The following IMMP2L variants were observed in gnomAD, a reference collection of about 807,000 sequenced individuals.
IMMP2L encodes inner mitochondrial membrane peptidase subunit 2.
A neutral mutation model predicts 19.3 loss-of-function variants in IMMP2L; 18 were observed. The ratio of observed to expected loss-of-function variants is 0.93; its 90% CI spans 0.64 to 1.38. The LOEUF (loss-of-function observed/expected upper bound fraction) is 1.38. Ranked by LOEUF, IMMP2L falls within the 40% of genes most tolerant of loss-of-function variation. The pLI is 0.00. For missense variants in IMMP2L, 233 were observed against 218.2 expected, an observed-to-expected ratio of 1.07 and a Z score of -0.43; for synonymous variants, 76 against 73.0, an observed-to-expected ratio of 1.04 and a Z score of -0.21.
intron 3 of IMMP2L, among the ~76,000 whole-genome samples, chr7:111,002,796 G>A (rs1823848563): frequency 6.6e-6 from 1 of 152,126 alleles, no homozygotes; most frequent in Admixed American, 6.6e-5. Flanking sequence ...AAGCATTTAA[G>A]TCACTCGAAA....
At chr7:111,242,840 T>G (rs1467346134) in intron 3 of IMMP2L, among the ~76,000 whole-genome samples, 1 of 152,082 alleles carries the variant, frequency 6.6e-6, no homozygotes, top group African/African-American at 2.4e-5. Context: ...ATTCCTCAAC[T>G]AATTAAGATT....
At chr7:110,938,280 T>C (rs1008179677) in intron 4 of IMMP2L, among the ~76,000 whole-genome samples, 3 of 152,236 alleles carry the variant, frequency 2.0e-5, no homozygotes, top group Admixed American at 1.3e-4. Flanking sequence ...GGGAGGGGTA[T>C]CAAACAATGT....
At chr7:110,862,069 C>G (rs184323105) in intron 5 of IMMP2L, among the ~76,000 whole-genome samples, 161 of 152,044 alleles carry the variant, frequency 1.1e-3, no homozygotes, top group African/African-American at 3.8e-3. Context: ...CTCTAGCATG[C>G]CTGTATTTTC....
intron 4 of IMMP2L, among the ~76,000 whole-genome samples, chr7:110,930,668 C>T (rs901808967): frequency 4.6e-5 from 7 of 152,146 alleles, no homozygotes; most frequent in Non-Finnish European, 1.0e-4. Context: ...ATTTGCATTG[C>T]TAGTGAAGTT....
chr7:110,775,230 T>C (rs1038986584), intron 5 of IMMP2L, among the ~76,000 whole-genome samples: 1 of 145,526 alleles, frequency 6.9e-6, no homozygotes, highest in Admixed American at 7.0e-5. Flanking sequence ...ATTTTACGAG[T>C]GCATAATGCT....
chr7:110,956,290 A>G (rs924020871), intron 4 of IMMP2L, among the ~76,000 whole-genome samples: 1 of 152,068 alleles, frequency 6.6e-6, no homozygotes, highest in Non-Finnish European at 1.5e-5. Flanking sequence ...TTAGTCTGCA[A>G]TATCAATACT....
intron 5 of IMMP2L, among the ~76,000 whole-genome samples, chr7:110,680,615 AG>A (rs1436391394): frequency 2.6e-5 from 4 of 152,188 alleles, no homozygotes; most frequent in African/African-American, 9.7e-5. Context: ...AGATCATTAC[AG>A]GTGTGGGCAT....
intron 3 of IMMP2L, among the ~76,000 whole-genome samples, chr7:111,111,929 A>ATATATATAGTTTTT (rs1350937328): frequency 7.0e-6 from 1 of 143,820 alleles, no homozygotes; most frequent in Non-Finnish European, 1.5e-5. Context: ...ATTTATATAT[A>ATATATATAGTTTTT]TATATATAGT....
intron 4 of IMMP2L, among the ~76,000 whole-genome samples, chr7:110,959,402 G>C (rs1447451286): frequency 6.6e-6 from 1 of 151,656 alleles, no homozygotes; most frequent in Non-Finnish European, 1.5e-5. Flanking sequence ...AATATACTCT[G>C]GCATTTTAAA....
intron 4 of IMMP2L, among the ~76,000 whole-genome samples, chr7:110,913,180 C>G (rs1038566024): frequency 2.6e-5 from 4 of 151,952 alleles, no homozygotes; most frequent in African/African-American, 4.8e-5. Flanking sequence ...CCCCTTCTAC[C>G]CAGGAAGGTA....
At chr7:110,765,333 A>G (rs1798592837) in intron 5 of IMMP2L, among the ~76,000 whole-genome samples, 1 of 152,164 alleles carries the variant, frequency 6.6e-6, no homozygotes, top group African/African-American at 2.4e-5. Flanking sequence ...AGTTATAGAC[A>G]TATTTATATC....
intron 5 of IMMP2L, among the ~76,000 whole-genome samples, chr7:110,822,388 C>T (rs1055100870): frequency 1.3e-5 from 2 of 152,184 alleles, no homozygotes; most frequent in East Asian, 3.9e-4. Flanking sequence ...TCTGAGACTA[C>T]AGTCTTACCA....
intron 5 of IMMP2L, among the ~76,000 whole-genome samples, chr7:110,683,533 C>G (rs1792886525): frequency 6.6e-6 from 1 of 152,054 alleles, no homozygotes; most frequent in African/African-American, 2.4e-5. Flanking sequence ...ATCAGGTCAA[C>G]TAATAAGCGA....
intron 3 of IMMP2L, among the ~76,000 whole-genome samples, chr7:111,060,533 T>C (rs1024795302): frequency 6.6e-6 from 1 of 152,188 alleles, no homozygotes. Flanking sequence ...ACCAGGCATG[T>C]CCAGGAGTAA....
intron 5 of IMMP2L, among the ~76,000 whole-genome samples, chr7:110,773,640 G>A (rs929821399): frequency 6.6e-6 from 1 of 152,062 alleles, no homozygotes; most frequent in Non-Finnish European, 1.5e-5. Flanking sequence ...CAACTACAAC[G>A]AAACAACTGT....
intron 5 of IMMP2L, among the ~76,000 whole-genome samples, chr7:110,794,253 G>A (rs996917673): frequency 2.6e-5 from 4 of 152,074 alleles, no homozygotes; most frequent in African/African-American, 4.8e-5. Flanking sequence ...TAGCCAAGAC[G>A]TCCTTGAGCA....
At position 110,662,883 on chromosome 7, in the gene IMMP2L, A is replaced by T. The variant is rs1237932471; in HGVS notation, c.*719T>A. Reference sequence around the variant, plus strand: ...ACCCATCATTGTGAATAGGCATGAGATCACTCAGAAATGTTGGATTACAAA... The same window carrying T: ...ACCCATCATTGTGAATAGGCATGAGTTCACTCAGAAATGTTGGATTACAAA... On this transcript the variant is annotated 3_prime_UTR_variant, in exon 6 of 6. Coordinates refer to ENST00000405709, the MANE Select transcript of IMMP2L (RefSeq NM_032549.4). Among the ~76,000 whole-genome samples the T allele has an allele frequency of 6.6e-6, 1 of 152,250 alleles. No individual in the cohort carries two copies. Among genetic ancestry groups the T allele is most frequent in the Non-Finnish European group, 1.5e-5 (1 of 68,044 alleles).
intron 3 of IMMP2L, among the ~76,000 whole-genome samples, chr7:111,305,379 A>AGTGCCTGGC (rs1372342714): frequency 6.6e-6 from 1 of 152,190 alleles, no homozygotes; most frequent in Non-Finnish European, 1.5e-5. Flanking sequence ...CCCAGGCTGG[A>AGTGCCTGGC]GTGCAGTGGC....
intron 5 of IMMP2L, among the ~76,000 whole-genome samples, chr7:110,873,241 G>A (rs991380992): frequency 1.3e-5 from 2 of 151,836 alleles, no homozygotes; most frequent in African/African-American, 4.8e-5. Context: ...CCAACATAGT[G>A]AAACCGTTTC....
Sources: allele counts gnomAD v4.1 joint callset (sites outside exome capture counted in the v4.1 genomes callset), GRCh38; gene constraint gnomAD v4.1.1; transcripts MANE v1.5; gene names NCBI Gene and HGNC (gene_info 2026-07-23, HGNC 2026-07-21).